The following REV3L variants were observed in gnomAD, a reference collection of about 807,000 sequenced individuals.
REV3L encodes REV3 like, DNA directed polymerase zeta catalytic subunit, also known as DNA polymerase zeta catalytic subunit.
Under a neutral mutation model 299.4 loss-of-function variants are expected in REV3L, and 69 were observed. The ratio of observed to expected loss-of-function variants is 0.23; its 90% CI spans 0.19 to 0.28. The LOEUF (loss-of-function observed/expected upper bound fraction) is 0.28. REV3L is among the 10% of genes least tolerant of loss of function. The pLI, the probability that REV3L is intolerant of heterozygous loss-of-function variation, is 1.00. For synonymous variants in REV3L, 1,238 were observed against 1,271.4 expected (o/e 0.97, Z 0.56); for missense variants, 3,128 against 3,693.8 (o/e 0.85, Z 3.97).
intron 1 of REV3L, among the ~76,000 whole-genome samples, chr6:111,420,134 C>T (rs1420047197): frequency 6.6e-6 from 1 of 152,160 alleles, no homozygotes; most frequent in Non-Finnish European, 1.5e-5. Flanking sequence ...CGTGAGCCAC[C>T]GCGCCCGGCC....
rs561221768 is a variant in REV3L at position 111,393,268 on chromosome 6, C to T, written c.566-296G>A. Among the ~76,000 whole-genome samples, 89 of 152,264 alleles carry T rather than the reference C, an allele frequency of 5.8e-4. No individual in the cohort carries two copies. The South Asian group carries it at 1.0e-2, about 17-fold the overall frequency. On this transcript the variant is annotated intron_variant, in intron 4 of 31. Transcript: ENST00000368802. Reference sequence around the variant, plus strand: ...ATCTGACCTTGTGATCCGCCTGCCTCGGCCTCCCAAAGTGCTGGGATTACA... The same window carrying T: ...ATCTGACCTTGTGATCCGCCTGCCTTGGCCTCCCAAAGTGCTGGGATTACA...
At chr6:111,309,780 C>A (rs1772756759) in intron 30 of REV3L, 73 bp downstream of exon 30, 12 of 1,530,322 alleles carry the variant, frequency 7.8e-6, no homozygotes, top group Non-Finnish European at 1.1e-5. Flanking sequence ...GCACATAAAA[C>A]CTTTAGTTCT....
At chr6:111,339,967 C>A (rs959854864) in intron 21 of REV3L, among the ~76,000 whole-genome samples, 1 of 151,972 alleles carries the variant, frequency 6.6e-6, no homozygotes, top group East Asian at 1.9e-4. Context: ...AGTTTTGATC[C>A]GGAAAGGAGG....
intron 26 of REV3L, among the ~76,000 whole-genome samples, chr6:111,320,440 GTCCT>G (rs1399628118): frequency 6.6e-6 from 1 of 151,886 alleles, no homozygotes; most frequent in Admixed American, 6.6e-5. Flanking sequence ...TATCATTATT[GTCCT>G]TCCAAGGAAA....
At chr6:111,322,725 ATAAGT>A in intron 25 of REV3L, 47 bp from the exon 26 acceptor site, 1 of 1,347,204 alleles carries the variant, frequency 7.4e-7, no homozygotes, top group African/African-American at 1.4e-5. Context: ...ATAGCTCAGT[ATAAGT>A]TAACAGACTT....
chr6:111,338,449 T>A (rs1001248980), intron 21 of REV3L, among the ~76,000 whole-genome samples: 13 of 151,000 alleles, frequency 8.6e-5, no homozygotes, highest in African/African-American at 2.9e-4. Context: ...GGTAAACATT[T>A]GAATATTTCA....
chr6:111,315,783 T>G, intron 26 of REV3L: 1 of 182,814 alleles, frequency 5.5e-6, no homozygotes, highest in Middle Eastern at 2.7e-3. Flanking sequence ...CATAGGAGCA[T>G]GAACCCTATT....
intron 1 of REV3L, among the ~76,000 whole-genome samples, chr6:111,466,447 T>G (rs1791527270): frequency 2.0e-5 from 3 of 152,216 alleles, no homozygotes; most frequent in African/African-American, 7.2e-5. Context: ...AAGAAGTCAC[T>G]GATTATAAAT....
At chr6:111,432,493 C>G (rs753778939) in intron 1 of REV3L, among the ~76,000 whole-genome samples, 1 of 152,108 alleles carries the variant, frequency 6.6e-6, no homozygotes, top group Non-Finnish European at 1.5e-5. Context: ...GTCAATTCAG[C>G]AAGAGGATAT....
chr6:111,390,713 C>A (rs1781833969), intron 5 of REV3L, among the ~76,000 whole-genome samples: 1 of 152,110 alleles, frequency 6.6e-6, no homozygotes. Context: ...AACTACAGAA[C>A]TGATAAAATG....
intron 18 of REV3L, chr6:111,353,819 A>C (rs914725270): frequency 6.6e-6 from 1 of 152,230 alleles, no homozygotes; most frequent in Non-Finnish European, 1.5e-5. Flanking sequence ...AATCCTTGAT[A>C]CTGACTTCAT....
At chr6:111,459,810 C>T (rs1790550221) in intron 1 of REV3L, among the ~76,000 whole-genome samples, 1 of 152,104 alleles carries the variant, frequency 6.6e-6, no homozygotes, top group East Asian at 1.9e-4. Context: ...AACCTTTACG[C>T]TGTTGGTGGG....
At chr6:111,433,626 T>C (rs908767824) in intron 1 of REV3L, among the ~76,000 whole-genome samples, 1 of 152,040 alleles carries the variant, frequency 6.6e-6, no homozygotes, top group Admixed American at 6.6e-5. Context: ...ATCAAACATA[T>C]AAAGAACTAA....
chr6:111,343,811 T>TA lies in REV3L; in HGVS notation c.7538+113dup, dbSNP rs1776768115. The TA allele has an allele frequency of 4.4e-6, 3 of 685,138 alleles. No homozygotes were observed. The South Asian group carries it at 8.5e-5, about 19-fold the overall frequency. The allele number at this position is 685,138 out of a possible 1,614,324, so 42.4% of individuals were successfully genotyped here. ...TCCCAATGTGCTAGGATTACAGGCG[T>TA]AAGCCACCGCAACTGGCCTGAACAA... On this transcript the variant is annotated intron_variant, in intron 21 of 31. Coordinates refer to ENST00000368802, the MANE Select transcript of REV3L (RefSeq NM_001372078.1).
At chr6:111,391,714 T>C (rs889523277) in intron 5 of REV3L, among the ~76,000 whole-genome samples, 11 of 152,250 alleles carry the variant, frequency 7.2e-5, no homozygotes, top group Non-Finnish European at 1.5e-4. Context: ...AGCAATATAG[T>C]GAGACCTCAT....
intron 1 of REV3L, among the ~76,000 whole-genome samples, chr6:111,465,290 A>G (rs1471265046): frequency 1.3e-5 from 2 of 151,288 alleles, no homozygotes; most frequent in African/African-American, 4.8e-5. Context: ...CATGTTGGCT[A>G]GGCTGGTCTC....
intron 16 of REV3L, among the ~76,000 whole-genome samples, chr6:111,359,391 G>A (rs1220740528): frequency 6.6e-6 from 1 of 151,834 alleles, no homozygotes; most frequent in Non-Finnish European, 1.5e-5. Context: ...AGTTTTACCT[G>A]TAGTTTAAAG....
intron 3 of REV3L, 145 bp downstream of exon 3, chr6:111,411,335 C>T (rs1487790504): frequency 1.4e-5 from 8 of 576,252 alleles, no homozygotes; most frequent in South Asian, 4.7e-5. Context: ...AGCCACTGGT[C>T]TCTCTCTATA....
At chr6:111,454,162 C>G (rs1253663490) in intron 1 of REV3L, among the ~76,000 whole-genome samples, 3 of 150,450 alleles carry the variant, frequency 2.0e-5, no homozygotes, top group Non-Finnish European at 4.4e-5. Context: ...AGGCGGGTCT[C>G]AAACACCCAG....
Sources: allele counts gnomAD v4.1 joint callset (sites outside exome capture counted in the v4.1 genomes callset), GRCh38; gene constraint gnomAD v4.1.1; transcripts MANE v1.5; gene names NCBI Gene and HGNC (gene_info 2026-07-23, HGNC 2026-07-21).